ZAN: variants seen among roughly 807,000 people sequenced by gnomAD.
ZAN encodes zonadhesin, also known as zonadhesin (gene/pseudogene).
In ZAN, 260 loss-of-function variants were observed where a neutral mutation model predicts 286.2. That is an observed-to-expected ratio of 0.91 (90% confidence interval 0.82 to 1.01). The LOEUF is 1.01. ZAN is among the 50% of genes least tolerant of loss of function. ZAN has a pLI of 0.00. For synonymous variants in ZAN, 1,368 were observed against 1,417.5 expected, an observed-to-expected ratio of 0.97 and a Z score of 0.79; for missense variants, 3,410 against 3,639.2, an observed-to-expected ratio of 0.94 and a Z score of 1.62.
intron 7 of ZAN, among the ~76,000 whole-genome samples, chr7:100,742,272 G>A (rs1262720638): frequency 1.8e-5 from 2 of 109,384 alleles, no homozygotes; most frequent in African/African-American, 7.3e-5. Context: ...GACGATGGGC[G>A]GCCGGGCAGA....
At chr7:100,781,531 G>A (rs1369239472) in intron 35 of ZAN, among the ~76,000 whole-genome samples, 1 of 152,192 alleles carries the variant, frequency 6.6e-6, no homozygotes, top group East Asian at 1.9e-4. Flanking sequence ...GTGCAGAAGG[G>A]GGCCGCTGCT....
chr7:100,785,217 C>T (rs569865441), intron 36 of ZAN, among the ~76,000 whole-genome samples: 4 of 141,644 alleles, frequency 2.8e-5, no homozygotes, highest in African/African-American at 1.0e-4. Flanking sequence ...AGCACAAACA[C>T]AGTGCCTTTT....
Position 100,773,510 on chromosome 7 carries a change from G to A in ZAN, c.5634+17G>A, listed in dbSNP as rs1449868325. 1.9e-6 allele frequency: 3 copies of A among 1,611,766 alleles called. No homozygotes were observed. The highest frequency in any genetic ancestry group is 2.5e-6 in the Non-Finnish European group (3 of 1,179,162). On this transcript the variant is annotated intron_variant, in intron 30 of 47. Transcript: ENST00000613979. The stretch of plus-strand genomic sequence containing the variant: ...TACCACCCGGTGAGAGGCCAGCTAG[G>A]AGGGGCCCCGCCCTTTCCAGGCCCA...
chr7:100,737,180 A>G (rs1219178284), intron 5 of ZAN, 82 bp from the exon 6 acceptor site: 1 of 1,416,066 alleles, frequency 7.1e-7, no homozygotes, highest in Non-Finnish European at 9.6e-7. Flanking sequence ...GGGCCAAGCC[A>G]TCTGAATTCA....
At chr7:100,738,180 C>A (rs1466021137) in intron 6 of ZAN, among the ~76,000 whole-genome samples, 1 of 139,978 alleles carries the variant, frequency 7.1e-6, no homozygotes, top group Non-Finnish European at 1.6e-5. Flanking sequence ...TGTTCTAGAA[C>A]TCCTGACCTC....
chr7:100,777,469 C>T (rs1224367473), intron 34 of ZAN, among the ~76,000 whole-genome samples: 3 of 152,146 alleles, frequency 2.0e-5, no homozygotes, highest in African/African-American at 7.2e-5. Context: ...ATTCTCGTGC[C>T]TCAACCTCCC....
In ZAN at chr7:100,773,822, G is replaced by T. The variant is rs1444681046; in HGVS notation, c.5736G>T (p.Gln1912His). The change falls in exon 31 of 48, where the codon CAG becomes CAT. Residue 1912 changes from glutamine to histidine, a missense_variant. Physicochemically the swap from Gln to His is conservative, Grantham distance 24. Transcript: ENST00000613979. Reference sequence around the variant, plus strand: ...TCCAGAGCACCTGCAAACCCAACCAGATATGCTGGGCCCTGGATGGGCTGC... The same window carrying T: ...TCCAGAGCACCTGCAAACCCAACCATATATGCTGGGCCCTGGATGGGCTGC... ...TCFQSTCKPNQICWALDGLLH... is the reference protein window; with the variant it reads ...TCFQSTCKPNHICWALDGLLH... The T allele has an allele frequency of 1.2e-6, 2 of 1,607,844 alleles. No individual in the cohort carries two copies. Among genetic ancestry groups the T allele is most frequent in the South Asian group, 1.1e-5 (1 of 90,356 alleles).
At position 100,744,811 on chromosome 7, in the gene ZAN, T is replaced by C. The variant is rs1023358370; in HGVS notation, c.767-1727T>C. Among the ~76,000 whole-genome samples, 4 of 151,272 alleles carry C rather than the reference T, an allele frequency of 2.6e-5. No homozygotes were observed. In the South Asian group the frequency reaches 6.3e-4, roughly 24 times the overall value. ...TCTTGCTCGCTTCCTTATATTTTCTTCACCTTTCACTTCTTTTTCTCCCAT... is the reference window on the plus strand; with the variant it reads ...TCTTGCTCGCTTCCTTATATTTTCTCCACCTTTCACTTCTTTTTCTCCCAT... On this transcript the variant is annotated intron_variant, in intron 7 of 47. Coordinates refer to ENST00000613979, the MANE Select transcript of ZAN (RefSeq NM_003386.3).
intron 13 of ZAN, 50 bp downstream of exon 13, chr7:100,751,316 C>T: frequency 7.3e-7 from 1 of 1,369,352 alleles, no homozygotes; most frequent in Non-Finnish European, 9.9e-7. Flanking sequence ...CTGAGGTTCC[C>T]TGGAGTTCTC....
chr7:100,746,303 T>C (rs1808212663), intron 7 of ZAN, among the ~76,000 whole-genome samples: 1 of 152,194 alleles, frequency 6.6e-6, no homozygotes, highest in Non-Finnish European at 1.5e-5. Flanking sequence ...GTTGCTGCTT[T>C]GGAGAAGGTG....
At position 100,784,701 on chromosome 7, in the gene ZAN, G is replaced by T. The variant is rs560129889; in HGVS notation, c.6701G>T (p.Arg2234Leu). ...CCCTCCTGCTGGGACCTGGATGGCC[G>T]GTGTGAGGGCGCCAAAGTCCCCTCT... ...CSPSCWDLDG[R>L]CEGAKVPSAC... The change falls in exon 36 of 48, where the codon CGG becomes CTG. Residue 2234 changes from arginine (R) to leucine (L), a missense_variant. By Grantham distance (102) the Arg-to-Leu change is moderately radical. Transcript: ENST00000613979. The T allele has an allele frequency of 1.2e-6, 2 of 1,613,900 alleles. No individual in the cohort carries two copies. The highest frequency in any genetic ancestry group is 1.7e-5 in the Admixed American group (1 of 59,978).
intron 9 of ZAN, 81 bp downstream of exon 9, chr7:100,747,722 G>C: frequency 7.4e-7 from 1 of 1,359,188 alleles, no homozygotes; most frequent in Non-Finnish European, 1.0e-6. Flanking sequence ...CTGGTGCTGT[G>C]GCTCATGCCT....
chr7:100,747,679 A>G (rs1808328961), intron 9 of ZAN, 38 bp downstream of exon 9: 1 of 1,566,926 alleles, frequency 6.4e-7, no homozygotes, highest in African/African-American at 1.4e-5. Flanking sequence ...TGCACATGGT[A>G]GGCACACCCA....
chr7:100,734,772 G>T (rs116869417), intron 2 of ZAN, among the ~76,000 whole-genome samples: 1 of 141,306 alleles, frequency 7.1e-6, no homozygotes, highest in East Asian at 2.0e-4. Flanking sequence ...GAGGTGCAGA[G>T]CTGGAAGACA....
At position 100,753,185 on chromosome 7, in the gene ZAN, C is replaced by A. The variant is rs762526583; in HGVS notation, c.3080C>A (p.Thr1027Asn). The A allele has an allele frequency of 4.6e-5, 74 of 1,611,206 alleles. No homozygotes were observed. Among genetic ancestry groups the A allele is most frequent in the Non-Finnish European group, 6.1e-5 (72 of 1,178,668 alleles). Reference protein sequence around the residue: ...MSPHAPSTPMTSVILGTTTTS... With the variant: ...MSPHAPSTPMNSVILGTTTTS... ...CCACATGCTCCAAGTACCCCTATGA[C>A]CAGTGTGATTCTGGGCACTACCACA... The change falls in exon 14 of 48, where the codon ACC becomes AAC. Residue 1027 changes from threonine (T) to asparagine (N), a missense_variant. By Grantham distance (65) the Thr-to-Asn change is moderately conservative. Transcript: ENST00000613979.
Position 100,760,504 on chromosome 7 carries a change from T to C in ZAN, c.3810T>C (p.Asp1270=), listed in dbSNP as rs1456372932. The change falls in exon 19 of 48, where the codon GAT becomes GAC. Residue 1270 remains aspartate, a synonymous_variant. Transcript: ENST00000613979. ...QTEFGLRVRW[D]GDQQLYVTVS... is the part of the protein sequence containing the mutation. ...AGTTCGGTTTGCGGGTGAGATGGGA[T>C]GGTGACCAGCAGCTGTATGTTACTG... 1.2e-6 allele frequency: 2 copies of C among 1,613,840 alleles called. No homozygotes were observed. The highest frequency in any genetic ancestry group is 2.7e-5 in the African/African-American group (2 of 74,910).
chr7:100,792,344 G>A, intron 41 of ZAN, 61 bp from the exon 42 acceptor site: 2 of 1,540,514 alleles, frequency 1.3e-6, no homozygotes, highest in Non-Finnish European at 1.8e-6. Context: ...CTCTTCTGCA[G>A]GGGTGGGTCT....
At chr7:100,768,781 G>T in intron 27 of ZAN, 60 bp downstream of exon 27, 1 of 1,447,806 alleles carries the variant, frequency 6.9e-7, no homozygotes, top group African/African-American at 1.4e-5. Context: ...GGCCTCGGGG[G>T]GCAGCTTGGA....
rs1229465334 is a variant in ZAN, at chr7:100,797,696, T to C, written c.8414-11T>C. On this transcript the variant is annotated splice_polypyrimidine_tract_variant and intron_variant, in intron 47 of 47. Transcript: ENST00000613979. ...CTCCTCTCATACATGGTTTTCTTGC[T>C]TTCTCCTCAGATACTGTTCTGGACT... 1 of 1,614,014 alleles carries C rather than the reference T, an allele frequency of 6.2e-7. No individual in the cohort carries two copies.
Sources: allele counts gnomAD v4.1 joint callset (sites outside exome capture counted in the v4.1 genomes callset), GRCh38; gene constraint gnomAD v4.1.1; transcripts MANE v1.5; gene names NCBI Gene and HGNC (gene_info 2026-07-23, HGNC 2026-07-21).